The following KANK1 variants were observed in gnomAD, a reference collection of about 807,000 sequenced individuals.
KANK1 encodes the protein KN motif and ankyrin repeat domain-containing protein 1.
In KANK1, 109 loss-of-function variants were observed where a neutral mutation model predicts 106.2. That is an observed-to-expected ratio of 1.03 (90% CI 0.88 to 1.20). The LOEUF (loss-of-function observed/expected upper bound fraction) is 1.20, where lower values mean the gene tolerates loss of function less well. Ranked by LOEUF, KANK1 falls within the 50% of genes most tolerant of loss-of-function variation. KANK1 has a pLI of 0.00. For synonymous variants in KANK1, 873 were observed against 652.2 expected, an observed-to-expected ratio of 1.34 and a Z score of -5.16; for missense variants, 2,399 against 1,710.7, an observed-to-expected ratio of 1.40 and a Z score of -7.10.
At chr9:709,957 A>G (rs1773789172) in intron 2 of KANK1, among the ~76,000 whole-genome samples, 1 of 152,154 alleles carries the variant, frequency 6.6e-6, no homozygotes, top group South Asian at 2.1e-4. Context: ...AATATTTAGT[A>G]AGGACTTACT....
intron 1 of KANK1, among the ~76,000 whole-genome samples, chr9:537,946 T>C (rs2060388259): frequency 1.3e-5 from 2 of 152,238 alleles, no homozygotes; most frequent in South Asian, 4.1e-4. Context: ...GTCCATCCTT[T>C]TATTTTCTCA....
rs756517483 is a variant in KANK1, at chr9:730,092, T to G, written c.2740T>G (p.Ser914Ala). Reference sequence around the variant, plus strand: ...TACCTGTAAGTGTGGGGGCCTTCAGTCAGGAAGTCCCTTAAGCTCCCAGAC... The same window carrying G: ...TACCTGTAAGTGTGGGGGCCTTCAGGCAGGAAGTCCCTTAAGCTCCCAGAC... ...GYTCKCGGLQ[S>A]GSPLSSQTSQ... The change falls in exon 4 of 12, where the codon TCA (serine) becomes GCA (alanine). Residue 914 changes from serine (S) to alanine (A), a missense_variant. By Grantham distance (99) the Ser-to-Ala change is moderately conservative. Coordinates refer to ENST00000382297, the MANE Select transcript of KANK1 (RefSeq NM_015158.5). 8.1e-6 allele frequency: 13 copies of G among 1,614,074 alleles called. No individual in the cohort carries two copies. Among genetic ancestry groups the G allele is most frequent in the Non-Finnish European group, 1.0e-5 (12 of 1,180,038 alleles).
At chr9:665,986 C>T (rs1844470122) in intron 1 of KANK1, among the ~76,000 whole-genome samples, 1 of 151,984 alleles carries the variant, frequency 6.6e-6, no homozygotes, top group African/African-American at 2.4e-5. Flanking sequence ...TTGAGGCCAG[C>T]CTGGGCAGCA....
chr9:735,896 G>A (rs1176518149), intron 7 of KANK1: 2 of 247,380 alleles, frequency 8.1e-6, no homozygotes, highest in Non-Finnish European at 1.8e-5. Flanking sequence ...TCGGGAGTCT[G>A]AGGCTGGAGA....
At chr9:534,582 T>G (rs1005677992) in intron 1 of KANK1, among the ~76,000 whole-genome samples, 2 of 152,240 alleles carry the variant, frequency 1.3e-5, no homozygotes, top group African/African-American at 4.8e-5. Flanking sequence ...TCTTGATCAC[T>G]CCTAGCGTGA....
In KANK1 at chr9:608,101, A is replaced by C. The variant is rs532685458; in HGVS notation, c.-83-68789A>C. 2.9e-5 allele frequency among the ~76,000 whole-genome samples: 4 copies of C among 139,730 alleles called. No individual in the cohort carries two copies. In the East Asian group the frequency reaches 8.4e-4, roughly 29 times the overall value. The allele number at this position is 139,730 out of a possible 152,430, so 91.7% of individuals were successfully genotyped here. A position where few individuals can be genotyped will look rare whatever the true frequency, so the allele number is the denominator to read the frequency against. On this transcript the variant is annotated intron_variant, in intron 1 of 11. Transcript: ENST00000382297. ...GCCGGACTGCGGACTGCAGTGGCGC[A>C]ATCTCGGCTCACTGCAAGCTCCGCT...
chr9:485,644 G>C (rs896988424), intron 3 of KANK1, among the ~76,000 whole-genome samples: 1 of 152,070 alleles, frequency 6.6e-6, no homozygotes. Context: ...AGGCCGAGGC[G>C]GGCAGATCAC....
At chr9:563,194 T>C (rs1215924511) in intron 1 of KANK1, among the ~76,000 whole-genome samples, 1 of 148,072 alleles carries the variant, frequency 6.8e-6, no homozygotes, top group Non-Finnish European at 1.5e-5. Context: ...GTCAGACTTT[T>C]TTTTTTTTTT....
At chr9:501,724 A>T (rs745726210), upstream of KANK1, among the ~76,000 whole-genome samples, 12 of 107,410 alleles carry the variant, frequency 1.1e-4, no homozygotes, top group Admixed American at 1.5e-4. Flanking sequence ...GTTACTTTTT[A>T]AAAAAATAGA....
chr9:587,443 C>A (rs1441406162), intron 1 of KANK1, among the ~76,000 whole-genome samples: 1 of 151,998 alleles, frequency 6.6e-6, no homozygotes, highest in Non-Finnish European at 1.5e-5. Context: ...CTTGATACAT[C>A]AAAAGGAGTA....
At position 527,719 on chromosome 9, in the gene KANK1, C is replaced by A. The variant is rs139951826; in HGVS notation, c.-84+22965C>A. Among the ~76,000 whole-genome samples, 92 of 148,386 alleles carry A rather than the reference C, an allele frequency of 6.2e-4. 4 individuals are homozygous for A. The highest frequency in any genetic ancestry group is 2.2e-3 in the African/African-American group (87 of 39,844). On this transcript the variant is annotated intron_variant, in intron 1 of 11. Coordinates refer to ENST00000382297, the MANE Select transcript of KANK1 (RefSeq NM_015158.5). Reference sequence around the variant, plus strand: ...CTTTTTTTTTTTTTTCTTTTACCTTCACACTTACTAGTTTGGCCAGGTGTA... The same window carrying A: ...CTTTTTTTTTTTTTTCTTTTACCTTAACACTTACTAGTTTGGCCAGGTGTA...
chr9:645,762 G>T (rs1414832097), intron 1 of KANK1, among the ~76,000 whole-genome samples: 1 of 150,572 alleles, frequency 6.6e-6, no homozygotes, highest in African/African-American at 2.5e-5. Flanking sequence ...GCATGCACCT[G>T]TAATCCTGAC....
chr9:512,666 T>G (rs1259831444), intron 1 of KANK1, among the ~76,000 whole-genome samples: 6 of 152,100 alleles, frequency 3.9e-5, no homozygotes, highest in Non-Finnish European at 8.8e-5. Flanking sequence ...AAACTATTGG[T>G]TGTAGCACAA....
At chr9:486,397 A>T (rs546644621) in intron 3 of KANK1, among the ~76,000 whole-genome samples, 1 of 152,316 alleles carries the variant, frequency 6.6e-6, no homozygotes, top group African/African-American at 2.4e-5. Context: ...AATGTTTACT[A>T]TGTGTCAGAC....
chr9:554,230 C>T (rs139834690), intron 1 of KANK1, among the ~76,000 whole-genome samples: 37 of 152,298 alleles, frequency 2.4e-4, no homozygotes, highest in African/African-American at 8.2e-4. Context: ...AGTCTGAGGG[C>T]TGAGAACCTG....
intron 1 of KANK1, among the ~76,000 whole-genome samples, chr9:637,140 C>G (rs1377102987): frequency 6.6e-6 from 1 of 152,184 alleles, no homozygotes; most frequent in Admixed American, 6.5e-5. Flanking sequence ...AGAGCCTCTC[C>G]TAGGTAATTG....
rs1180942990 is a variant in KANK1, at chr9:692,878, A to T, written c.37+15869A>T. Among the ~76,000 whole-genome samples the T allele has an allele frequency of 6.6e-5, 10 of 152,242 alleles. No homozygotes were observed. In the East Asian group the frequency reaches 1.7e-3, roughly 26 times the overall value. ...AGAAAAATACAGAAATTAGCTGAGC[A>T]TGGTGTCGTGCTACTCTGGAGGCTG... On this transcript the variant is annotated intron_variant, in intron 2 of 11. Coordinates refer to ENST00000382297, the MANE Select transcript of KANK1 (RefSeq NM_015158.5).
rs1423115523 is a variant in KANK1, at chr9:742,398, A to T, written c.3890A>T (p.Glu1297Val). 7 of 1,612,400 alleles carry T rather than the reference A, an allele frequency of 4.3e-6. No homozygotes were observed. Among genetic ancestry groups the T allele is most frequent in the Non-Finnish European group, 5.9e-6 (7 of 1,179,238 alleles). Reference protein sequence around the residue: ...LAQPGCNGHLEDNDGSTALSI... With the variant: ...LAQPGCNGHLVDNDGSTALSI... ...CAGCCCGGCTGCAACGGTCACCTAG[A>T]GGACAACGTAAGCTGTCTCCATTGG... The change falls in exon 10 of 12, where the codon GAG (glutamate) becomes GTG (valine). Residue 1297 changes from glutamate to valine, a missense_variant. Physicochemically the swap from Glu to Val is moderately radical, Grantham distance 121. Coordinates refer to ENST00000382297, the MANE Select transcript of KANK1 (RefSeq NM_015158.5).
At chr9:633,288 C>G (rs1209231727) in intron 1 of KANK1, among the ~76,000 whole-genome samples, 1 of 151,938 alleles carries the variant, frequency 6.6e-6, no homozygotes, top group African/African-American at 2.4e-5. Context: ...AATCGCATCT[C>G]TACTAAAAAT....
Sources: allele counts gnomAD v4.1 joint callset (sites outside exome capture counted in the v4.1 genomes callset), GRCh38; gene constraint gnomAD v4.1.1; transcripts MANE v1.5; gene names NCBI Gene and HGNC (gene_info 2026-07-23, HGNC 2026-07-21).